The following GALNT11 variants were observed in gnomAD, a reference collection of about 807,000 sequenced individuals.
GALNT11 encodes the protein UDP-GalNAc:polypeptide N-acetylgalactosaminyltransferase 11.
A neutral mutation model predicts 72.7 loss-of-function variants in GALNT11; 47 were observed. That is an observed-to-expected ratio of 0.65 (90% CI 0.51 to 0.82). GALNT11 has a LOEUF of 0.82. Ranked by LOEUF, GALNT11 falls within the 40% of genes least tolerant of loss-of-function variation. The probability of loss-of-function intolerance (pLI) is 0.00; values close to 1 mark genes in which losing one functional copy is unlikely to be tolerated. For missense variants in GALNT11, 677 were observed against 778.4 expected (o/e 0.87, Z 1.55); for synonymous variants, 270 against 286.6 (o/e 0.94, Z 0.58).
At chr7:152,119,250 A>G (rs1293618794) in intron 10 of GALNT11, 1 of 152,388 alleles carries the variant, frequency 6.6e-6, no homozygotes. Flanking sequence ...CCATTCACCT[A>G]ATTTCATTTC....
At chr7:152,040,564 G>C (rs1250008118) in intron 1 of GALNT11, among the ~76,000 whole-genome samples, 1 of 152,222 alleles carries the variant, frequency 6.6e-6, no homozygotes, top group African/African-American at 2.4e-5. Flanking sequence ...GGTCCTGGAA[G>C]AGATGTATAA....
At chr7:152,082,819 T>G (rs2085397155) in intron 1 of GALNT11, among the ~76,000 whole-genome samples, 2 of 152,354 alleles carry the variant, frequency 1.3e-5, no homozygotes, top group African/African-American at 4.8e-5. Flanking sequence ...GTTGTCAAGC[T>G]TTTGGATTTT....
intron 1 of GALNT11, among the ~76,000 whole-genome samples, chr7:152,069,351 T>C (rs2084494923): frequency 6.6e-6 from 1 of 152,238 alleles, no homozygotes; most frequent in South Asian, 2.1e-4. Context: ...GAATGTGGTC[T>C]ATATTGGTGA....
At chr7:152,048,533 T>C (rs1162535112) in intron 1 of GALNT11, among the ~76,000 whole-genome samples, 1 of 151,852 alleles carries the variant, frequency 6.6e-6, no homozygotes, top group Non-Finnish European at 1.5e-5. Flanking sequence ...TCTTTTTCTT[T>C]TTCTTTTTTT....
At chr7:152,118,537 A>G in intron 9 of GALNT11, 141 bp from the exon 10 acceptor site, 1 of 676,648 alleles carries the variant, frequency 1.5e-6, no homozygotes, top group South Asian at 1.9e-5. Context: ...GAACTTAGGA[A>G]TTAAAAATGC....
Position 152,118,809 on chromosome 7 carries a change from C to T in GALNT11, c.1557+27C>T, listed in dbSNP as rs574682260. The T allele has an allele frequency of 2.5e-6, 4 of 1,576,914 alleles. No homozygotes were observed. In the Admixed American group the frequency reaches 7.6e-5, roughly 30 times the overall value. ...TGAGTGACACCTCGGGGCTCACAGC[C>T]AGTGTCCGCAAGGAGGCTTCCAGTG... is the stretch of plus-strand genomic sequence containing the variant. On this transcript the variant is annotated intron_variant, in intron 10 of 11. Coordinates refer to ENST00000430044, the MANE Select transcript of GALNT11 (RefSeq NM_022087.4).
chr7:152,047,105 A>G (rs2083165126), intron 1 of GALNT11, among the ~76,000 whole-genome samples: 1 of 152,178 alleles, frequency 6.6e-6, no homozygotes, highest in South Asian at 2.1e-4. Context: ...GGCCAGGTGC[A>G]GTGGCTCATG....
At position 152,073,942 on chromosome 7, in the gene GALNT11, CTTCTTTTGAGAGATGGCTATTCAGA is replaced by C. The variant is rs375726456; in HGVS notation, c.-38-20246_-38-20222del. Among the ~76,000 whole-genome samples, 789 of 152,184 alleles carry C rather than the reference CTTCTTTTGAGAGATGGCTATTCAGA, an allele frequency of 5.2e-3. 5 individuals are homozygous for C. The highest frequency in any genetic ancestry group is 0.027 in the Middle Eastern group (8 of 294). ...TGTCATATATTTCTTGGCCATTTGT[CTTCTTTTGAGAGATGGCTATTCAGA>C]TCATTTGCCCATTTTTAAATCTGAT... On this transcript the variant is annotated intron_variant, in intron 1 of 11. Transcript: ENST00000430044.
rs2082348113 is a variant in GALNT11, at chr7:152,032,450, G to A, written c.-39+6566G>A. 6.6e-5 allele frequency among the ~76,000 whole-genome samples: 10 copies of A among 152,150 alleles called. No homozygotes were observed. In the South Asian group the frequency reaches 2.1e-3, roughly 32 times the overall value. On this transcript the variant is annotated intron_variant, in intron 1 of 11. Transcript: ENST00000430044. ...GGGGTTGGGTACAACTGGATATAGA[G>A]GAATTACTGCCTCACTGATGAGTCT...
intron 1 of GALNT11, chr7:152,079,299 C>G (rs1173436334): frequency 6.6e-6 from 1 of 152,118 alleles, no homozygotes; most frequent in Non-Finnish European, 1.5e-5. Context: ...CTATAGTGAG[C>G]GAGAGCTGCT....
At chr7:152,091,753 C>A (rs1342997004) in intron 1 of GALNT11, among the ~76,000 whole-genome samples, 1 of 152,092 alleles carries the variant, frequency 6.6e-6, no homozygotes. Flanking sequence ...GAGGGTGGGG[C>A]AAAGTTCCTT....
chr7:152,120,713 A>G (rs540681442), intron 10 of GALNT11, 118 bp from the exon 11 acceptor site: 17 of 839,314 alleles, frequency 2.0e-5, no homozygotes, highest in Non-Finnish European at 3.2e-5. Context: ...CTGTAAGTCT[A>G]GTGCATTGGT....
chr7:152,043,314 C>A (rs2082956761), intron 1 of GALNT11, among the ~76,000 whole-genome samples: 1 of 152,186 alleles, frequency 6.6e-6, no homozygotes, highest in Admixed American at 6.5e-5. Context: ...CTGTTGGGAC[C>A]TTTTGCGGGG....
At chr7:152,051,348 A>T (rs1247951101) in intron 1 of GALNT11, among the ~76,000 whole-genome samples, 10 of 150,812 alleles carry the variant, frequency 6.6e-5, no homozygotes, top group Admixed American at 6.6e-4. Context: ...TTTGTCTTGT[A>T]CAACTTCATA....
At chr7:152,086,819 T>A (rs1206365970) in intron 1 of GALNT11, among the ~76,000 whole-genome samples, 1 of 152,246 alleles carries the variant, frequency 6.6e-6, no homozygotes, top group Non-Finnish European at 1.5e-5. Context: ...TTATTTAAGT[T>A]TTGAAATGAG....
rs2089343918 is a variant in GALNT11 at position 152,120,699 on chromosome 7, T to C, written c.1558-132T>C. On this transcript the variant is annotated intron_variant, in intron 10 of 11. Transcript: ENST00000430044. ...TGGAATGAACCAAGTTGAAATCTGCTTCCCTGTAAGTCTAGTGCATTGGTC... is the reference window on the plus strand; with the variant it reads ...TGGAATGAACCAAGTTGAAATCTGCCTCCCTGTAAGTCTAGTGCATTGGTC... 4.0e-6 allele frequency: 3 copies of C among 754,140 alleles called. No individual in the cohort carries two copies. In the Admixed American group the frequency reaches 7.6e-5, roughly 19 times the overall value. 46.7% of individuals were successfully genotyped at this position (754,140 alleles called of 1,614,324 possible). A position where few individuals can be genotyped will look rare whatever the true frequency, so the allele number is the denominator to read the frequency against.
intron 1 of GALNT11, among the ~76,000 whole-genome samples, chr7:152,063,311 T>G (rs2084119289): frequency 6.6e-6 from 1 of 152,174 alleles, no homozygotes; most frequent in Non-Finnish European, 1.5e-5. Flanking sequence ...GGTGGTGATA[T>G]CCCCTTTATC....
intron 5 of GALNT11, among the ~76,000 whole-genome samples, chr7:152,105,610 C>G (rs1007774462): frequency 1.3e-5 from 2 of 152,184 alleles, no homozygotes; most frequent in Non-Finnish European, 2.9e-5. Flanking sequence ...TCATAGCAAC[C>G]CTTCTTTGAT....
At chr7:152,084,885 C>CT in intron 1 of GALNT11, among the ~76,000 whole-genome samples, 1 of 152,132 alleles carries the variant, frequency 6.6e-6, no homozygotes, top group Non-Finnish European at 1.5e-5. Flanking sequence ...GGCAAATTGT[C>CT]TGTTGGGATA....
Sources: gnomAD v4.1 joint callset for allele counts (sites outside exome capture counted in the v4.1 genomes callset) on GRCh38, gnomAD v4.1.1 for gene constraint, MANE v1.5 for transcripts, NCBI Gene and HGNC (gene_info 2026-07-23, HGNC 2026-07-21) for gene names.